FHL1: variants seen among roughly 807,000 people sequenced by gnomAD.
FHL1 encodes four and a half LIM domains protein 1.
FHL1 carries 1 observed loss-of-function variant against 20.3 expected under a neutral mutation model. The ratio of observed to expected loss-of-function variants is 0.05; its 90% confidence interval spans 0.02 to 0.23. FHL1 has a LOEUF of 0.23. Among genes scored for constraint, FHL1 ranks in the 10% least tolerant of loss-of-function variants. The pLI is 1.00. For synonymous variants in FHL1, 82 were observed against 88.9 expected (o/e 0.92, Z 0.44); for missense variants, 177 against 234.0 (o/e 0.76, Z 1.59).
chrX:136,180,245 T>C (rs2073120184), intron 2 of FHL1, among the ~76,000 whole-genome samples: 1 of 112,289 alleles, frequency 8.9e-6, no homozygotes, highest in African/African-American at 3.2e-5. Flanking sequence ...ACATTATTTG[T>C]ATTGTTGAAA....
chrX:136,202,953 C>T (rs1390909892), intron 1 of FHL1, among the ~76,000 whole-genome samples: 8 of 111,943 alleles, frequency 7.1e-5, no homozygotes, highest in Admixed American at 9.5e-5. Context: ...AAAATTGTGA[C>T]GTGATCAGTA....
upstream of FHL1, among the ~76,000 whole-genome samples, chrX:136,164,741 A>G (rs2072666859): frequency 9.0e-6 from 1 of 111,453 alleles, no homozygotes; most frequent in Non-Finnish European, 1.9e-5. Flanking sequence ...CTAATTTGAA[A>G]ATCTATGAAA....
At chrX:136,146,982 G>T (rs1349308573), upstream of FHL1, 6 of 320,129 alleles carry the variant, frequency 1.9e-5, no homozygotes, top group Non-Finnish European at 3.6e-5. Flanking sequence ...CGTGGGCCCC[G>T]AAGCGGGGCC....
chrX:136,153,021 C>G (rs888168118), intron 1 of FHL1, among the ~76,000 whole-genome samples: 1 of 111,782 alleles, frequency 8.9e-6, no homozygotes, highest in Admixed American at 9.6e-5. Flanking sequence ...TTAGGGCTGT[C>G]CTGTAGAACT....
At chrX:136,204,296 C>G (rs1369703839) in intron 1 of FHL1, among the ~76,000 whole-genome samples, 3 of 112,561 alleles carry the variant, frequency 2.7e-5, no homozygotes, top group Non-Finnish European at 5.6e-5. Flanking sequence ...TATGGCAAAG[C>G]TAAGACGAGG....
chrX:136,178,601 C>A (rs200527964), intron 2 of FHL1, among the ~76,000 whole-genome samples: 1 of 62,853 alleles, frequency 1.6e-5, no homozygotes, highest in East Asian at 9.4e-4. Flanking sequence ...GTCAAAAAAA[C>A]AAACAGACAA....
chrX:136,168,422 A>G (rs1050724543), upstream of FHL1: 1 of 112,203 alleles, frequency 8.9e-6, no homozygotes, highest in African/African-American at 3.2e-5. Flanking sequence ...AAGATACTTA[A>G]CATTTTACCG....
chrX:136,155,526 C>T (rs752047708), intron 1 of FHL1, among the ~76,000 whole-genome samples: 4 of 111,817 alleles, frequency 3.6e-5, no homozygotes, highest in Admixed American at 9.5e-5. Flanking sequence ...TACCTATTGC[C>T]GAGGGCTTAC....
chrX:136,196,972 AG>A, upstream of FHL1: 1 of 1,007,286 alleles, frequency 9.9e-7, no homozygotes, highest in Non-Finnish European at 1.4e-6. Flanking sequence ...ATCTCTGGGG[AG>A]GGGTGGGACA....
chrX:136,202,771 A>G (rs768148515), intron 1 of FHL1, among the ~76,000 whole-genome samples: 1 of 112,006 alleles, frequency 8.9e-6, no homozygotes, highest in Non-Finnish European at 1.9e-5. Flanking sequence ...AAAAGAAAGA[A>G]AGAAAGAGCA....
chrX:136,199,995 C>G (rs1377977077), intron 1 of FHL1, among the ~76,000 whole-genome samples: 1 of 112,333 alleles, frequency 8.9e-6, no homozygotes, highest in African/African-American at 3.2e-5. Context: ...TGTTATATTA[C>G]TTGTATGTGT....
chrX:136,177,470 A>C (rs2073037053), intron 2 of FHL1, among the ~76,000 whole-genome samples: 1 of 112,069 alleles, frequency 8.9e-6, no homozygotes, highest in South Asian at 3.7e-4. Flanking sequence ...AGCCTTTAAA[A>C]CTTTTTCTCT....
intron 1 of FHL1, among the ~76,000 whole-genome samples, chrX:136,149,049 ATTC>A (rs2072191975): frequency 1.8e-5 from 2 of 112,478 alleles, no homozygotes; most frequent in Non-Finnish European, 3.8e-5. Context: ...ATTGCTTGTA[ATTC>A]TTCTCTGGGT....
chrX:136,148,689 GT>G (rs2072179546), intron 1 of FHL1: 1 of 111,698 alleles, frequency 9.0e-6, no homozygotes, highest in African/African-American at 3.3e-5. Context: ...TGTCGTTCGT[GT>G]TGAGCGCTGT....
chrX:136,155,998 G>A (rs954950446), intron 1 of FHL1, among the ~76,000 whole-genome samples: 5 of 109,593 alleles, frequency 4.6e-5, no homozygotes, highest in African/African-American at 1.3e-4. Flanking sequence ...GTAAGTGACC[G>A]GCTCTCCACA....
chrX:136,207,965 T>C lies in FHL1; in HGVS notation c.549+4T>C. On this transcript the variant is annotated splice_donor_region_variant and intron_variant, in intron 4 of 5. Coordinates refer to ENST00000370683, the MANE Select transcript of FHL1 (RefSeq NM_001159699.2). The stretch of plus-strand genomic sequence containing the variant: ...GCATTGCGTGAAGTGCAACAAGGTA[T>C]GCTTTCAAGGGAGTTCTGCATTGAC... 4.9e-6 allele frequency: 6 copies of C among 1,212,219 alleles called. No individual in the cohort carries two copies. Among genetic ancestry groups the C allele is most frequent in the Middle Eastern group, 2.3e-4 (1 of 4,355 alleles).
chrX:136,181,596 T>TA (rs2073160118), intron 2 of FHL1, among the ~76,000 whole-genome samples: 1 of 112,619 alleles, frequency 8.9e-6, no homozygotes, highest in African/African-American at 3.2e-5. Flanking sequence ...GAGGCTGTGG[T>TA]ACTCAACTTT....
chrX:136,190,412 T>C, intron 2 of FHL1, among the ~76,000 whole-genome samples: 1 of 111,957 alleles, frequency 8.9e-6, no homozygotes, highest in Non-Finnish European at 1.9e-5. Flanking sequence ...AACTACTGCT[T>C]CCAAGTTAGC....
chrX:136,150,410 A>G (rs1389046996), intron 1 of FHL1, among the ~76,000 whole-genome samples: 1 of 111,262 alleles, frequency 9.0e-6, no homozygotes, highest in African/African-American at 3.3e-5. Context: ...TTATAACCTT[A>G]TGGGAGTTGA....
Sources: allele counts gnomAD v4.1 joint callset (sites outside exome capture counted in the v4.1 genomes callset), GRCh38; gene constraint gnomAD v4.1.1; transcripts MANE v1.5; gene names NCBI Gene and HGNC (gene_info 2026-07-23, HGNC 2026-07-21).